The following UGT1A6 variants were observed in gnomAD, a reference collection of about 807,000 sequenced individuals.
UGT1A6 encodes UDP-glucuronosyltransferase 1A6.
UGT1A6 carries 32 observed loss-of-function variants against 44.4 expected under a neutral mutation model. The observed-to-expected ratio is 0.72, with a 90% confidence interval of 0.54 to 0.97. UGT1A6 has a LOEUF of 0.97. UGT1A6 is among the 50% of genes least tolerant of loss of function. UGT1A6 has a pLI of 0.00. For missense variants in UGT1A6, 685 were observed against 661.9 expected, an observed-to-expected ratio of 1.03 and a Z score of -0.38; for synonymous variants, 238 against 248.5, an observed-to-expected ratio of 0.96 and a Z score of 0.40.
intron 1 of UGT1A6, among the ~76,000 whole-genome samples, chr2:233,698,148 C>T (rs1209454393): frequency 6.6e-6 from 1 of 152,182 alleles, no homozygotes; most frequent in Non-Finnish European, 1.5e-5. Context: ...ACTGTATTCC[C>T]AGCATGTCGT....
At chr2:233,725,835 C>T (rs141517259) in intron 1 of UGT1A6, among the ~76,000 whole-genome samples, 2 of 152,170 alleles carry the variant, frequency 1.3e-5, no homozygotes, top group African/African-American at 4.8e-5. Flanking sequence ...ATTGCTACTC[C>T]TATGTTATTT....
intron 1 of UGT1A6, among the ~76,000 whole-genome samples, chr2:233,723,671 C>T (rs2077112906): frequency 1.0e-5 from 1 of 95,612 alleles, no homozygotes; most frequent in Non-Finnish European, 1.9e-5. Flanking sequence ...GGCAGAGGAC[C>T]CTGCGGCCTT....
rs936564729 is a variant in UGT1A6, at chr2:233,733,619, C to T, written c.862-33415C>T. ...GTGATGGATTACATTTATTGATTTG[C>T]ATATGTTGAACCAGCCTTGCATCCC... On this transcript the variant is annotated intron_variant, in intron 1 of 4. Coordinates refer to ENST00000305139, the MANE Select transcript of UGT1A6 (RefSeq NM_001072.4). Among the ~76,000 whole-genome samples, 7 of 152,296 alleles carry T rather than the reference C, an allele frequency of 4.6e-5. No homozygotes were observed. In the Middle Eastern group the frequency reaches 0.014, roughly 296 times the overall value.
chr2:233,737,366 G>T (rs1427441917), intron 1 of UGT1A6, among the ~76,000 whole-genome samples: 1 of 152,256 alleles, frequency 6.6e-6, no homozygotes, highest in Non-Finnish European at 1.5e-5. Context: ...GCTAAGCCAG[G>T]CAGGGGAGAG....
At position 233,769,778 on chromosome 2, in the gene UGT1A6, C is replaced by T. The variant is rs1165754282; in HGVS notation, c.1301+1339C>T. On this transcript the variant is annotated intron_variant, in intron 4 of 4. Coordinates refer to ENST00000305139, the MANE Select transcript of UGT1A6 (RefSeq NM_001072.4). The surrounding 1 kb of genome is among the most constrained non-coding windows in gnomAD (Gnocchi z 4.4). Reference sequence around the variant, plus strand: ...GCTAAGGCGGGAGGATTGCTTGAGCCCAGAAGTTGGAGGCTGCTATGAGCC... The same window carrying T: ...GCTAAGGCGGGAGGATTGCTTGAGCTCAGAAGTTGGAGGCTGCTATGAGCC... 2 of 1,373,484 alleles carry T rather than the reference C, an allele frequency of 1.5e-6. No individual in the cohort carries two copies. Among genetic ancestry groups the T allele is most frequent in the East Asian group, 5.2e-5 (2 of 38,786 alleles). The allele number at this position is 1,373,484 out of a possible 1,614,324, so 85.1% of individuals were successfully genotyped here.
intron 4 of UGT1A6, chr2:233,771,145 C>T (rs1356050343): frequency 6.6e-6 from 1 of 152,246 alleles, no homozygotes; most frequent in Non-Finnish European, 1.5e-5. Context: ...AAACACCTCC[C>T]ACCAGGCCCC....
chr2:233,751,515 A>G (rs1261607058), intron 1 of UGT1A6, among the ~76,000 whole-genome samples: 1 of 152,234 alleles, frequency 6.6e-6, no homozygotes, highest in Non-Finnish European at 1.5e-5. Flanking sequence ...GCCAGAGGGC[A>G]GAATGATATG....
chr2:233,761,925 G>C (rs1697902891), intron 1 of UGT1A6, among the ~76,000 whole-genome samples: 1 of 152,224 alleles, frequency 6.6e-6, no homozygotes, highest in Admixed American at 6.5e-5. Flanking sequence ...GGCAGCCCAG[G>C]CACTTCCCAG....
At chr2:233,710,850 T>C (rs924657969) in intron 1 of UGT1A6, among the ~76,000 whole-genome samples, 5 of 152,176 alleles carry the variant, frequency 3.3e-5, no homozygotes, top group African/African-American at 1.2e-4. Flanking sequence ...GGAGGATTTG[T>C]TTCTATGTTT....
At chr2:233,702,198 G>A (rs190961458) in intron 1 of UGT1A6, among the ~76,000 whole-genome samples, 2 of 152,258 alleles carry the variant, frequency 1.3e-5, no homozygotes, top group Non-Finnish European at 1.5e-5. Flanking sequence ...GCCCCTGGCA[G>A]CCATTAATCA....
intron 1 of UGT1A6, among the ~76,000 whole-genome samples, chr2:233,720,116 C>G (rs1194928036): frequency 6.6e-6 from 1 of 152,088 alleles, no homozygotes; most frequent in African/African-American, 2.4e-5. Flanking sequence ...GCGAAAGATA[C>G]AGAGGTGACC....
At chr2:233,755,745 G>A (rs1342193963) in intron 1 of UGT1A6, 2 of 152,826 alleles carry the variant, frequency 1.3e-5, no homozygotes, top group Non-Finnish European at 2.9e-5. Context: ...TTCCAGCCCC[G>A]GTGCCCATTT....
At chr2:233,721,315 T>C (rs1187847952) in intron 1 of UGT1A6, among the ~76,000 whole-genome samples, 1 of 152,192 alleles carries the variant, frequency 6.6e-6, no homozygotes, top group Non-Finnish European at 1.5e-5. Context: ...ATTGTGGCTC[T>C]TTTCTTGTGG....
At chr2:233,735,564 G>A (rs550679567) in intron 1 of UGT1A6, among the ~76,000 whole-genome samples, 59 of 152,124 alleles carry the variant, frequency 3.9e-4, no homozygotes, top group African/African-American at 1.3e-3. Flanking sequence ...TGGTGTTATC[G>A]GGTTATTTTG....
intron 1 of UGT1A6, among the ~76,000 whole-genome samples, chr2:233,697,158 A>G (rs1026412563): frequency 6.6e-6 from 1 of 152,018 alleles, no homozygotes; most frequent in Non-Finnish European, 1.5e-5. Flanking sequence ...AACTGGTATT[A>G]ATTCTTTTAA....
At position 233,767,112 on chromosome 2, in the gene UGT1A6, C is replaced by G; in HGVS notation, c.940C>G (p.Pro314Ala). Residue 314 changes from proline (P) to alanine (A), a missense_variant, in exon 2 of 5, where the codon CCA (proline) becomes GCA (alanine). Coordinates refer to ENST00000305139, the MANE Select transcript of UGT1A6 (RefSeq NM_001072.4). The part of the protein sequence containing the change: ...FSLGSMVSEI[P>A]EKKAMAIADA... ...TTTGGGATCAATGGTCTCAGAAATT[C>G]CAGAGAAGAAAGCTATGGCAATTGC... 6.2e-7 allele frequency: 1 copy of G among 1,614,080 alleles called. No homozygotes were observed. The highest frequency in any genetic ancestry group is 8.5e-7 in the Non-Finnish European group (1 of 1,180,008).
At chr2:233,755,259 T>C in intron 1 of UGT1A6, 1 of 802,542 alleles carries the variant, frequency 1.2e-6, no homozygotes, top group African/African-American at 1.7e-5. Context: ...CACCTCGTAG[T>C]AGTCCACTAT....
At chr2:233,696,082 G>A (rs1487950233) in intron 1 of UGT1A6, among the ~76,000 whole-genome samples, 3 of 152,080 alleles carry the variant, frequency 2.0e-5, no homozygotes, top group Admixed American at 2.0e-4. Flanking sequence ...AGAACAGTAT[G>A]GAGAGTCTTC....
chr2:233,724,355 C>T (rs1465005246), intron 1 of UGT1A6, among the ~76,000 whole-genome samples: 1 of 148,690 alleles, frequency 6.7e-6, no homozygotes, highest in Admixed American at 6.7e-5. Flanking sequence ...CCCCACCTCC[C>T]TCCCGGACGG....
Sources: allele counts gnomAD v4.1 joint callset (sites outside exome capture counted in the v4.1 genomes callset), GRCh38; gene constraint gnomAD v4.1.1; non-coding constraint Gnocchi (gnomAD v3.1); transcripts MANE v1.5; gene names NCBI Gene and HGNC (gene_info 2026-07-23, HGNC 2026-07-21).